TSHZ3: variants seen among roughly 807,000 people sequenced by gnomAD.
TSHZ3 encodes teashirt homolog 3.
In TSHZ3, 10 loss-of-function variants were observed where a neutral mutation model predicts 64.5. The ratio of observed to expected loss-of-function variants is 0.16; its 90% CI spans 0.10 to 0.26. TSHZ3 has a LOEUF of 0.26. Ranked by LOEUF, TSHZ3 falls within the 10% of genes least tolerant of loss-of-function variation. The pLI is 1.00. For missense variants in TSHZ3, 1,242 were observed against 1,421.7 expected, an observed-to-expected ratio of 0.87 and a Z score of 2.03; for synonymous variants, 608 against 593.1, an observed-to-expected ratio of 1.03 and a Z score of -0.36.
chr19:31,204,047 A>G (rs568258776), intron 5 of TSHZ3, among the ~76,000 whole-genome samples: 1 of 152,238 alleles, frequency 6.6e-6, no homozygotes, highest in African/African-American at 2.4e-5. Context: ...CAAGCAGGGG[A>G]AATGCCAGAT....
intron 1 of TSHZ3, among the ~76,000 whole-genome samples, chr19:31,301,562 C>T (rs1056116091): frequency 2.6e-5 from 4 of 152,142 alleles, no homozygotes; most frequent in African/African-American, 7.2e-5. Context: ...GACATGCCTG[C>T]GGGAAGGCAC....
rs149952654 is a variant in TSHZ3 at position 31,219,269 on chromosome 19, C to T, written n.686+8736G>A. On this transcript the variant is annotated intron_variant and non_coding_transcript_variant, in intron 4 of 6. Transcript: ENST00000651361. ...GGAGAGACAGGTGAACAAAATGATT[C>T]CGTGTCTTGACCTATGACCTCTGTA... is the stretch of plus-strand genomic sequence containing the variant. Among the ~76,000 whole-genome samples the T allele has an allele frequency of 4.4e-3, 666 of 152,310 alleles. 5 individuals are homozygous for T. Among genetic ancestry groups the T allele is most frequent in the African/African-American group, 0.014 (598 of 41,558 alleles).
chr19:31,271,233 A>G (rs963904350), downstream of TSHZ3, among the ~76,000 whole-genome samples: 2 of 152,140 alleles, frequency 1.3e-5, no homozygotes, highest in African/African-American at 4.8e-5. Context: ...TGGAACCATG[A>G]AAGCCCACCA....
chr19:31,349,356 A>G lies in TSHZ3; in HGVS notation c.-137T>C. On this transcript the variant is annotated 5_prime_UTR_variant, in exon 1 of 2. Coordinates refer to ENST00000240587, the MANE Select transcript of TSHZ3 (RefSeq NM_020856.4). The stretch of plus-strand genomic sequence containing the variant: ...TCCCCCCCGGAGAGCGGCCGCCCGC[A>G]GGATGCTGCTGCGCCCAGGCTCTCC... The G allele has an allele frequency of 1.3e-6, 1 of 743,154 alleles. No individual in the cohort carries two copies. Among genetic ancestry groups the G allele is most frequent in the Non-Finnish European group, 1.9e-6 (1 of 515,994 alleles). The allele number at this position is 743,154 out of a possible 1,614,324, so 46.0% of individuals were successfully genotyped here.
At chr19:31,314,612 C>T (rs1480291156) in intron 1 of TSHZ3, among the ~76,000 whole-genome samples, 2 of 152,292 alleles carry the variant, frequency 1.3e-5, no homozygotes, top group East Asian at 1.9e-4. Context: ...GTGCCAGATT[C>T]GTATTTTGCA....
At position 31,278,919 on chromosome 19, in the gene TSHZ3, C is replaced by T. The variant is rs771192598; in HGVS notation, c.874G>A (p.Val292Ile). 6.2e-7 allele frequency: 1 copy of T among 1,614,118 alleles called. No individual in the cohort carries two copies. Residue 292 changes from valine to isoleucine, a missense_variant, in exon 2 of 2, where the codon GTC becomes ATC. By Grantham distance (29) the Val-to-Ile change is conservative. This residue lies in a region of TSHZ3 where 555 missense variants were observed against 704.0 expected (regional missense o/e 0.79). Coordinates refer to ENST00000240587, the MANE Select transcript of TSHZ3 (RefSeq NM_020856.4). The surrounding 1 kb of genome is among the most constrained non-coding windows in gnomAD (Gnocchi z 4.7). The part of the protein sequence containing the change: ...HSFESLQDLS[V>I]HMIKTKHYQK... ...TAGTGTTTTGTTTTGATCATATGGA[C>T]ACTCAAATCCTGCAGGGACTCAAAG...
chr19:31,238,809 G>A (rs1238779751), intron 3 of TSHZ3, among the ~76,000 whole-genome samples: 3 of 152,154 alleles, frequency 2.0e-5, no homozygotes, highest in South Asian at 4.2e-4. Flanking sequence ...AGATAGCATC[G>A]AGTTGGATCT....
At chr19:31,201,210 T>C (rs887835295) in intron 5 of TSHZ3, among the ~76,000 whole-genome samples, 1 of 152,196 alleles carries the variant, frequency 6.6e-6, no homozygotes, top group Non-Finnish European at 1.5e-5. Flanking sequence ...TCATTTGATT[T>C]TTAATAATGG....
chr19:31,155,499 C>A (rs1197913552), intron 6 of TSHZ3, among the ~76,000 whole-genome samples: 1 of 152,182 alleles, frequency 6.6e-6, no homozygotes, highest in Non-Finnish European at 1.5e-5. Flanking sequence ...CATATCTTTC[C>A]GCAGCCTGGG....
intron 4 of TSHZ3, among the ~76,000 whole-genome samples, chr19:31,226,598 C>A (rs1424835222): frequency 2.6e-5 from 4 of 152,152 alleles, no homozygotes; most frequent in Non-Finnish European, 5.9e-5. Flanking sequence ...TGGACTAATA[C>A]ACCATTCCAT....
intron 4 of TSHZ3, among the ~76,000 whole-genome samples, chr19:31,207,835 A>G (rs3745785): frequency 6.6e-6 from 1 of 151,974 alleles, no homozygotes; most frequent in Non-Finnish European, 1.5e-5. Flanking sequence ...TGGAGAAAAG[A>G]ATCCCTTTGA....
At chr19:31,188,158 G>C (rs1974842692) in intron 5 of TSHZ3, among the ~76,000 whole-genome samples, 1 of 151,158 alleles carries the variant, frequency 6.6e-6, no homozygotes, top group South Asian at 2.1e-4. Context: ...ATTTTATATA[G>C]TATTTTAAAT....
chr19:31,193,885 AG>A (rs1974948638), intron 5 of TSHZ3, among the ~76,000 whole-genome samples: 1 of 152,210 alleles, frequency 6.6e-6, no homozygotes, highest in Non-Finnish European at 1.5e-5. Flanking sequence ...GAAATTTTTT[AG>A]AAAAATAGTA....
At chr19:31,153,181 G>A (rs539402687) in intron 6 of TSHZ3, among the ~76,000 whole-genome samples, 15 of 152,228 alleles carry the variant, frequency 9.9e-5, no homozygotes, top group African/African-American at 3.1e-4. Flanking sequence ...TGATGATACC[G>A]TGTGACATAA....
At chr19:31,225,546 C>T (rs996088219) in intron 4 of TSHZ3, among the ~76,000 whole-genome samples, 13 of 152,124 alleles carry the variant, frequency 8.5e-5, no homozygotes, top group Admixed American at 4.6e-4. Flanking sequence ...AAATGAGAAG[C>T]CATCGTATAG....
rs779508058 is a variant in TSHZ3, at chr19:31,276,789, G to A, written c.3004C>T (p.Arg1002Trp). The A allele has an allele frequency of 5.0e-6, 8 of 1,614,036 alleles. No homozygotes were observed. Among genetic ancestry groups the A allele is most frequent in the African/African-American group, 1.3e-5 (1 of 74,922 alleles). ...ISHLESHLGF[R>W]LRDLSKLSTE... is the part of the protein sequence containing the mutation. Reference sequence around the variant, plus strand: ...GACAGTTTGGATAAGTCCCGTAGCCGGAAGCCTAAGTGTGACTCTAGGTGA... The same window carrying A: ...GACAGTTTGGATAAGTCCCGTAGCCAGAAGCCTAAGTGTGACTCTAGGTGA... Residue 1002 changes from arginine to tryptophan, a missense_variant, in exon 2 of 2, where the codon CGG becomes TGG. Coordinates refer to ENST00000240587, the MANE Select transcript of TSHZ3 (RefSeq NM_020856.4).
chr19:31,264,355 A>G (rs2145201040), intron 1 of TSHZ3, among the ~76,000 whole-genome samples: 1 of 152,358 alleles, frequency 6.6e-6, no homozygotes, highest in South Asian at 2.1e-4. Flanking sequence ...AGTGGCCTAC[A>G]GTGGCAGCTT....
chr19:31,348,267 G>A (rs1395899066), intron 1 of TSHZ3, among the ~76,000 whole-genome samples: 2 of 152,218 alleles, frequency 1.3e-5, no homozygotes, highest in Non-Finnish European at 2.9e-5. Context: ...CAGCATGACG[G>A]GCGATCAATC....
chr19:31,224,991 G>T lies in TSHZ3; in HGVS notation n.686+3014C>A. Among the ~76,000 whole-genome samples the T allele has an allele frequency of 2.0e-5, 3 of 152,184 alleles. 1 individual carries two copies. In the East Asian group the frequency reaches 5.8e-4, roughly 29 times the overall value. On this transcript the variant is annotated intron_variant and non_coding_transcript_variant, in intron 4 of 6. Transcript: ENST00000651361. ...GCCCCTGTTCCCCCTGAGCACCCAA[G>T]AGCAGCTTCTGAACACTGCAATGTG...
Sources: gnomAD v4.1 joint callset for allele counts (sites outside exome capture counted in the v4.1 genomes callset) on GRCh38, gnomAD v4.1.1 for gene constraint, gnomAD v4.1.1 regional missense constraint, Gnocchi (gnomAD v3.1) non-coding constraint, MANE v1.5 for transcripts, NCBI Gene and HGNC (gene_info 2026-07-23, HGNC 2026-07-21) for gene names.